FHOD3: variants seen among roughly 807,000 people sequenced by gnomAD.
FHOD3 encodes the protein formin homology 2 domain containing 3, also known as FH1/FH2 domain-containing protein 3.
In FHOD3, 90 loss-of-function variants were observed where a neutral mutation model predicts 173.0. That is an observed-to-expected ratio of 0.52 (90% CI 0.44 to 0.62). The LOEUF (loss-of-function observed/expected upper bound fraction) is 0.62. Among genes scored for constraint, FHOD3 ranks in the 20% least tolerant of loss-of-function variants. The pLI is 0.00. For missense variants in FHOD3, 1,945 were observed against 2,034.7 expected (o/e 0.96, Z 0.85); for synonymous variants, 828 against 823.0 (o/e 1.01, Z -0.10).
chr18:36,658,165 C>T lies in FHOD3; in HGVS notation c.1812C>T (p.Pro604=), dbSNP rs1305780928. The change falls in exon 14 of 29, where the codon CCC becomes CCT. Residue 604 remains proline (P), a synonymous_variant. Transcript: ENST00000590592. ...CCACCCCCACATCATCCGTCTCACCCCCACAGGAGGCCAGGTTGGAAAGGT... is the reference window on the plus strand; with the variant it reads ...CCACCCCCACATCATCCGTCTCACCTCCACAGGAGGCCAGGTTGGAAAGGT... The part of the protein sequence containing the change: ...VPTTPTSSVS[P]PQEARLERSS... 1 of 1,588,100 alleles carries T rather than the reference C, an allele frequency of 6.3e-7. No homozygotes were observed. The highest frequency in any genetic ancestry group is 8.5e-7 in the Non-Finnish European group (1 of 1,169,914).
chr18:36,393,664 T>C (rs1050482652), intron 3 of FHOD3, among the ~76,000 whole-genome samples: 1 of 152,176 alleles, frequency 6.6e-6, no homozygotes, highest in Non-Finnish European at 1.5e-5. Flanking sequence ...ACCATTCTCC[T>C]GGAGTCCCAG....
At chr18:36,636,475 A>G (rs1182030840) in intron 10 of FHOD3, among the ~76,000 whole-genome samples, 1 of 152,220 alleles carries the variant, frequency 6.6e-6, no homozygotes, top group Non-Finnish European at 1.5e-5. Context: ...AAGAGGCCAA[A>G]GAAAGCCTGG....
intron 5 of FHOD3, among the ~76,000 whole-genome samples, chr18:36,548,123 C>T (rs987859938): frequency 3.3e-5 from 5 of 152,030 alleles, no homozygotes; most frequent in African/African-American, 1.2e-4. Context: ...ACCCAGGAGG[C>T]GGAGGTTGCA....
At chr18:36,481,089 C>T (rs1200273403) in intron 3 of FHOD3, among the ~76,000 whole-genome samples, 5 of 130,930 alleles carry the variant, frequency 3.8e-5, no homozygotes, top group Non-Finnish European at 6.2e-5. Flanking sequence ...ATAAGGCATT[C>T]TCCAGCTGGT....
At chr18:36,304,213 TG>T (rs1481127455) in intron 1 of FHOD3, among the ~76,000 whole-genome samples, 2 of 152,212 alleles carry the variant, frequency 1.3e-5, no homozygotes, top group Admixed American at 6.5e-5. Context: ...ATAATAGTAT[TG>T]TGGTTAGGTT....
At chr18:36,584,922 A>C (rs2058976417) in intron 6 of FHOD3, among the ~76,000 whole-genome samples, 1 of 152,250 alleles carries the variant, frequency 6.6e-6, no homozygotes, top group African/African-American at 2.4e-5. Flanking sequence ...AAGTAAAATA[A>C]AAATTACCTA....
chr18:36,741,952 G>A (rs1372476788), intron 21 of FHOD3, among the ~76,000 whole-genome samples: 2 of 152,220 alleles, frequency 1.3e-5, no homozygotes, highest in East Asian at 3.9e-4. Flanking sequence ...TTGCTGAGGT[G>A]ACTGCTATGA....
intron 20 of FHOD3, among the ~76,000 whole-genome samples, chr18:36,739,673 A>T (rs1332791282): frequency 6.6e-6 from 1 of 152,230 alleles, no homozygotes; most frequent in African/African-American, 2.4e-5. Context: ...AGTTTCCAGC[A>T]TAAAGACACT....
At chr18:36,388,758 A>T (rs1364715716) in intron 3 of FHOD3, among the ~76,000 whole-genome samples, 1 of 152,222 alleles carries the variant, frequency 6.6e-6, no homozygotes, top group African/African-American at 2.4e-5. Context: ...CAAAAAACAA[A>T]ACAGACCACC....
intron 28 of FHOD3, among the ~76,000 whole-genome samples, chr18:36,776,185 CTTT>C (rs879763120): frequency 2.9e-5 from 4 of 139,880 alleles, no homozygotes; most frequent in African/African-American, 2.6e-5. Flanking sequence ...TGTCCCCAGC[CTTT>C]TTTTTTTTTT....
At chr18:36,707,136 C>T (rs978332475) in intron 17 of FHOD3, among the ~76,000 whole-genome samples, 6 of 152,224 alleles carry the variant, frequency 3.9e-5, no homozygotes, top group African/African-American at 1.4e-4. Context: ...AGACACGTGG[C>T]CTCACAGCTG....
At chr18:36,569,038 C>T (rs142436879) in intron 5 of FHOD3, among the ~76,000 whole-genome samples, 30 of 151,960 alleles carry the variant, frequency 2.0e-4, no homozygotes, top group African/African-American at 6.3e-4. Context: ...AATTTAGAAA[C>T]GAAATTTACA....
chr18:36,637,145 A>G (rs940695365), intron 10 of FHOD3, among the ~76,000 whole-genome samples: 2 of 152,226 alleles, frequency 1.3e-5, no homozygotes, highest in African/African-American at 2.4e-5. Context: ...ATTTCAGAGT[A>G]GCCTTACATT....
intron 3 of FHOD3, among the ~76,000 whole-genome samples, chr18:36,418,134 C>T (rs2049772996): frequency 1.3e-5 from 2 of 152,198 alleles, no homozygotes; most frequent in African/African-American, 2.4e-5. Context: ...ACTCTTGCCC[C>T]TTCAGGGTGG....
In FHOD3 at chr18:36,730,799, A is replaced by C; in HGVS notation, c.3571A>C (p.Ile1191Leu). ...TGAGTATGCCTTAAACAAAGAAGGA[A>C]TCGAGGTGAGGGAAGCTCTATTAAG... ...FDEYALNKEG[I>L]EKILTMIPTD... The change falls in exon 20 of 29, where the codon ATC becomes CTC. Residue 1191 changes from isoleucine to leucine, a missense_variant. Physicochemically the swap from Ile to Leu is conservative, Grantham distance 5 (BLOSUM62 2). This residue lies in a region of FHOD3 where 231 missense variants were observed against 321.9 expected (regional missense o/e 0.72). Coordinates refer to ENST00000590592, the MANE Select transcript of FHOD3 (RefSeq NM_001281740.3). 6.2e-7 allele frequency: 1 copy of C among 1,613,792 alleles called. No homozygotes were observed. Among genetic ancestry groups the C allele is most frequent in the South Asian group, 1.1e-5 (1 of 90,908 alleles).
At chr18:36,695,726 C>T (rs2039245719) in intron 17 of FHOD3, among the ~76,000 whole-genome samples, 1 of 152,182 alleles carries the variant, frequency 6.6e-6, no homozygotes, top group African/African-American at 2.4e-5. Flanking sequence ...GCAGAGGTTT[C>T]CTTCTGCTTT....
intron 8 of FHOD3, among the ~76,000 whole-genome samples, chr18:36,609,677 T>G (rs2148591403): frequency 6.6e-6 from 1 of 151,174 alleles, no homozygotes; most frequent in Middle Eastern, 3.4e-3. Flanking sequence ...TGACATGATC[T>G]TGGCTCACTG....
chr18:36,568,396 A>C (rs934305143), intron 5 of FHOD3, among the ~76,000 whole-genome samples: 1 of 147,116 alleles, frequency 6.8e-6, no homozygotes, highest in Non-Finnish European at 1.5e-5. Flanking sequence ...AGGGAACCTA[A>C]AAGTATCAGG....
At chr18:36,630,191 G>T (rs1368882944) in intron 10 of FHOD3, among the ~76,000 whole-genome samples, 1 of 152,134 alleles carries the variant, frequency 6.6e-6, no homozygotes, top group Non-Finnish European at 1.5e-5. Flanking sequence ...GGTCAAAATT[G>T]ACTCTTTTTC....
Sources: allele counts gnomAD v4.1 joint callset (sites outside exome capture counted in the v4.1 genomes callset), GRCh38; gene constraint gnomAD v4.1.1; regional missense constraint gnomAD v4.1.1; transcripts MANE v1.5; gene names NCBI Gene and HGNC (gene_info 2026-07-23, HGNC 2026-07-21).